Variants in SYNJ1 observed in about 807,000 individuals in gnomAD.
SYNJ1 encodes polyphosphatidylinositol phosphatase SYNJ1.
A neutral mutation model predicts 168.2 loss-of-function variants in SYNJ1; 78 were observed. The observed-to-expected ratio is 0.46, with a 90% CI of 0.39 to 0.56. The LOEUF is 0.56. Ranked by LOEUF, SYNJ1 falls within the 20% of genes least tolerant of loss-of-function variation. The probability of loss-of-function intolerance (pLI) is 0.00; values close to 1 mark genes in which losing one functional copy is unlikely to be tolerated. For missense variants in SYNJ1, 1,303 were observed against 1,597.6 expected (o/e 0.82, Z 3.14); for synonymous variants, 539 against 548.6 (o/e 0.98, Z 0.24).
intron 10 of SYNJ1, among the ~76,000 whole-genome samples, chr21:32,682,109 A>G (rs545780776): frequency 6.6e-6 from 1 of 152,352 alleles, no homozygotes; most frequent in South Asian, 2.1e-4. Context: ...CACAAAATAA[A>G]GAAAATAAGT....
At position 32,695,153 on chromosome 21, in the gene SYNJ1, G is replaced by A. The variant is rs781757737; in HGVS notation, c.609C>T (p.Leu203=). The change falls in exon 5 of 33, where the codon CTC becomes CTT. Residue 203 remains leucine, a synonymous_variant. Coordinates refer to ENST00000674351, the MANE Select transcript of SYNJ1 (RefSeq NM_203446.3). ...CTCGTTCACAGCTTAATCTTGAAAT[G>A]AGGCAAGCCTTCGCCTGTTTATGAG... is the stretch of plus-strand genomic sequence containing the variant. The part of the protein sequence containing the change: ...YAAHKQAKAC[L]ISRLSCERAG... The A allele has an allele frequency of 2.5e-6, 4 of 1,614,130 alleles. No individual in the cohort carries two copies. Among genetic ancestry groups the A allele is most frequent in the Non-Finnish European group, 3.4e-6 (4 of 1,180,020 alleles).
At chr21:32,638,478 C>G (rs912424095) in intron 31 of SYNJ1, among the ~76,000 whole-genome samples, 15 of 152,242 alleles carry the variant, frequency 9.9e-5, no homozygotes, top group African/African-American at 3.1e-4. Flanking sequence ...GGGCAGATTG[C>G]CTGAGGTCAG....
intron 15 of SYNJ1, among the ~76,000 whole-genome samples, chr21:32,667,270 T>C (rs1436899497): frequency 6.6e-6 from 1 of 152,178 alleles, no homozygotes; most frequent in Non-Finnish European, 1.5e-5. Context: ...TTCCCCACTT[T>C]TCAAAATTTT....
chr21:32,690,057 G>C (rs939928194), intron 6 of SYNJ1, among the ~76,000 whole-genome samples: 3 of 152,128 alleles, frequency 2.0e-5, no homozygotes, highest in Admixed American at 1.3e-4. Flanking sequence ...GCATAGTACT[G>C]CAACGGTGCA....
At chr21:32,633,214 G>A (rs1032825393) in intron 32 of SYNJ1, among the ~76,000 whole-genome samples, 7 of 152,138 alleles carry the variant, frequency 4.6e-5, no homozygotes, top group Admixed American at 1.3e-4. Flanking sequence ...CTAGAGTGGT[G>A]CCTGGTCCCT....
In SYNJ1 at chr21:32,657,070, G is replaced by A; in HGVS notation, c.2512C>T (p.Leu838=). Residue 838 remains leucine, a synonymous_variant, in exon 20 of 33, where the codon CTG becomes TTG. Coordinates refer to ENST00000674351, the MANE Select transcript of SYNJ1 (RefSeq NM_203446.3). ...AAAGTGCCTGGAGTCCACGTGTACA[G>A]AATTTTGCTTTCATCTTGAAAACTA... ...NASFQDESKI[L]YTWTPGTLLH... The A allele has an allele frequency of 1.9e-6, 3 of 1,614,162 alleles. No homozygotes were observed. Among genetic ancestry groups the A allele is most frequent in the Non-Finnish European group, 2.5e-6 (3 of 1,180,032 alleles).
chr21:32,676,421 G>C, intron 12 of SYNJ1, 66 bp from the exon 13 acceptor site: 2 of 1,492,160 alleles, frequency 1.3e-6, no homozygotes, highest in Non-Finnish European at 1.8e-6. Context: ...AAAATGTTGA[G>C]TATAGTGACA....
intron 4 of SYNJ1, among the ~76,000 whole-genome samples, chr21:32,697,090 GT>G (rs1410823863): frequency 2.0e-5 from 3 of 152,160 alleles, no homozygotes; most frequent in South Asian, 2.1e-4. Context: ...TGCAGGCAGA[GT>G]TTCTCTCTCT....
chr21:32,658,923 G>C (rs2040571549), intron 18 of SYNJ1, among the ~76,000 whole-genome samples: 1 of 152,148 alleles, frequency 6.6e-6, no homozygotes, highest in Admixed American at 6.5e-5. Context: ...AATTCTGCCT[G>C]ATCTTTGAGC....
chr21:32,721,680 GAA>G (rs79791733), intron 2 of SYNJ1, among the ~76,000 whole-genome samples: 71 of 135,574 alleles, frequency 5.2e-4, no homozygotes, highest in African/African-American at 1.8e-3. Flanking sequence ...CTCCATCTTG[GAA>G]AAAAAAAAAA....
chr21:32,684,512 A>C (rs1474637647), intron 9 of SYNJ1, among the ~76,000 whole-genome samples: 3 of 152,210 alleles, frequency 2.0e-5, no homozygotes, highest in Non-Finnish European at 4.4e-5. Context: ...GATGCTAAAT[A>C]AAATACAAAT....
chr21:32,687,252 GCA>G (rs2041868266), intron 7 of SYNJ1, among the ~76,000 whole-genome samples, 178 bp from the exon 8 acceptor site: 1 of 152,196 alleles, frequency 6.6e-6, no homozygotes, highest in Non-Finnish European at 1.5e-5. Context: ...ACTCATGAAT[GCA>G]ACTTCCTCTC....
chr21:32,642,272 G>A (rs1300202320), intron 27 of SYNJ1, 139 bp from the exon 28 acceptor site: 1 of 855,664 alleles, frequency 1.2e-6, no homozygotes, highest in Non-Finnish European at 1.9e-6. Flanking sequence ...ACTTTGCTTT[G>A]TATAATGATG....
chr21:32,684,937 T>G (rs2041767085), intron 9 of SYNJ1, among the ~76,000 whole-genome samples: 1 of 151,930 alleles, frequency 6.6e-6, no homozygotes. Flanking sequence ...CCCAGCACTT[T>G]GGGAGGCGGA....
intron 32 of SYNJ1, among the ~76,000 whole-genome samples, chr21:32,633,623 T>C (rs1027911268): frequency 2.6e-5 from 4 of 152,296 alleles, no homozygotes; most frequent in Non-Finnish European, 4.4e-5. Context: ...AACATAACTA[T>C]ACTTTCATGA....
chr21:32,631,201 T>C lies in SYNJ1; in HGVS notation c.*604A>G, dbSNP rs371425452. On this transcript the variant is annotated 3_prime_UTR_variant, in exon 33 of 33. Coordinates refer to ENST00000674351, the MANE Select transcript of SYNJ1 (RefSeq NM_203446.3). Reference sequence around the variant, plus strand: ...GAGCCAGAAAATGAACTTGGCTGATTACCCAGTAAGTCTGAACAAGCTGAC... The same window carrying C: ...GAGCCAGAAAATGAACTTGGCTGATCACCCAGTAAGTCTGAACAAGCTGAC... The C allele has an allele frequency of 1.2e-6, 2 of 1,614,098 alleles. No homozygotes were observed. The highest frequency in any genetic ancestry group is 1.3e-5 in the African/African-American group (1 of 74,940).
At chr21:32,658,383 G>A (rs2040545314) in intron 18 of SYNJ1, 1 of 152,340 alleles carries the variant, frequency 6.6e-6, no homozygotes, top group South Asian at 2.1e-4. Flanking sequence ...GGATTTCAGG[G>A]GAAGATTATC....
intron 2 of SYNJ1, among the ~76,000 whole-genome samples, chr21:32,706,213 C>A (rs372065505): frequency 3.9e-5 from 6 of 152,008 alleles, no homozygotes; most frequent in Non-Finnish European, 7.4e-5. Context: ...TGTCACAGAT[C>A]GAGAAATTTT....
chr21:32,642,334 A>G (rs546787275), intron 27 of SYNJ1, among the ~76,000 whole-genome samples: 60 of 152,338 alleles, frequency 3.9e-4, no homozygotes, highest in African/African-American at 1.4e-3. Context: ...AAAAATTACA[A>G]TATTTAGATA....
Sources: allele counts gnomAD v4.1 joint callset (sites outside exome capture counted in the v4.1 genomes callset), GRCh38; gene constraint gnomAD v4.1.1; transcripts MANE v1.5; gene names NCBI Gene and HGNC (gene_info 2026-07-23, HGNC 2026-07-21).